Variants in LDB3 observed in about 807,000 individuals in gnomAD.
The protein encoded by LDB3 is LIM domain-binding protein 3.
In LDB3, 49 loss-of-function variants were observed where a neutral mutation model predicts 69.0. That is an observed-to-expected ratio of 0.71 (90% CI 0.56 to 0.90). The LOEUF (loss-of-function observed/expected upper bound fraction) is 0.90. LDB3 is among the 40% of genes least tolerant of loss of function. The pLI is 0.00. For synonymous variants in LDB3, 387 were observed against 396.2 expected (o/e 0.98, Z 0.28); for missense variants, 928 against 974.1 (o/e 0.95, Z 0.63).
chr10:86,677,819 C>T (rs1287721146), intron 2 of LDB3, among the ~76,000 whole-genome samples: 1 of 152,220 alleles, frequency 6.6e-6, no homozygotes, highest in African/African-American at 2.4e-5. Context: ...CTACCTCACT[C>T]TCTCCACATC....
chr10:86,714,713 A>T (rs1846798386), intron 9 of LDB3, among the ~76,000 whole-genome samples: 1 of 151,284 alleles, frequency 6.6e-6, no homozygotes, highest in South Asian at 2.1e-4. Flanking sequence ...CCGCCACCAC[A>T]CCCAGCTAAT....
At chr10:86,674,680 T>C (rs1316993568) in intron 2 of LDB3, among the ~76,000 whole-genome samples, 1 of 152,126 alleles carries the variant, frequency 6.6e-6, no homozygotes, top group Non-Finnish European at 1.5e-5. Flanking sequence ...ATTTAAATGC[T>C]CAAAGGCGGC....
At chr10:86,708,743 C>T (rs565652526) in intron 8 of LDB3, among the ~76,000 whole-genome samples, 5 of 152,208 alleles carry the variant, frequency 3.3e-5, no homozygotes, top group African/African-American at 1.2e-4. Context: ...GTCTGGGATG[C>T]CAGCTCCCTG....
At chr10:86,675,702 G>T (rs1488091457) in intron 2 of LDB3, among the ~76,000 whole-genome samples, 1 of 152,270 alleles carries the variant, frequency 6.6e-6, no homozygotes, top group Admixed American at 6.5e-5. Flanking sequence ...CCCGGCAAAT[G>T]AGATGGATTG....
rs1339140962 is a variant in LDB3, at chr10:86,716,700, C to CA, written c.1605_1606insA (p.Val536SerfsTer5). 7 of 1,613,600 alleles carry CA rather than the reference C, an allele frequency of 4.3e-6. No homozygotes were observed. The highest frequency in any genetic ancestry group is 5.9e-6 in the Non-Finnish European group (7 of 1,179,990). On this transcript the variant is annotated frameshift_variant, in exon 10 of 14. Transcript: ENST00000361373. LOFTEE classifies it high-confidence loss of function. ...AGGTGCCACCACTTGCCAGGGGGAC[C>CA]GTCCAGAGGGCTGAGCGATTCCCAG... is the stretch of plus-strand genomic sequence containing the variant.
Position 86,716,415 on chromosome 10 carries a change from C to A in LDB3, c.1320C>A (p.Ser440=), listed in dbSNP as rs753917548. 2 of 1,549,226 alleles carry A rather than the reference C, an allele frequency of 1.3e-6. No homozygotes were observed. The highest frequency in any genetic ancestry group is 1.7e-6 in the Non-Finnish European group (2 of 1,144,788). The change falls in exon 10 of 14, where the codon TCC becomes TCA. Residue 440 remains serine (S), a synonymous_variant. Transcript: ENST00000361373. ...TPSPAPAYTP[S]PAPAYTPSPV... is the part of the protein sequence containing the mutation. ...CCCCTGCCCCTGCCTACACCCCCTC[C>A]CCTGCCCCTGCCTACACCCCCTCAC...
chr10:86,718,804 C>G lies in LDB3; in HGVS notation c.1935C>G (p.Asn645Lys), dbSNP rs1846970016. 6.2e-7 allele frequency: 1 copy of G among 1,614,194 alleles called. No homozygotes were observed. Among genetic ancestry groups the G allele is most frequent in the African/African-American group, 1.3e-5 (1 of 75,050 alleles). Residue 645 changes from asparagine to lysine, a missense_variant, in exon 12 of 14, where the codon AAC becomes AAG. By Grantham distance (94) the Asn-to-Lys change is moderately conservative. Coordinates refer to ENST00000361373, the MANE Select transcript of LDB3 (RefSeq NM_007078.3). ...VCAACKKPFG[N>K]SLFHMEDGEP... ...CGGCCTGCAAGAAGCCTTTTGGGAA[C>G]AGCCTCTTCCACATGGAAGACGGGG...
chr10:86,723,293 A>AG (rs1310121237), intron 12 of LDB3, among the ~76,000 whole-genome samples: 8 of 139,476 alleles, frequency 5.7e-5, no homozygotes. Flanking sequence ...AAAAAAAAAA[A>AG]AGGAGATGAT....
chr10:86,681,220 C>T (rs927295451), intron 4 of LDB3, among the ~76,000 whole-genome samples: 2 of 152,276 alleles, frequency 1.3e-5, no homozygotes, highest in African/African-American at 2.4e-5. Context: ...GCACTCTGCC[C>T]AGCTGGATGC....
At chr10:86,678,708 A>G in intron 2 of LDB3, among the ~76,000 whole-genome samples, 1 of 152,118 alleles carries the variant, frequency 6.6e-6, no homozygotes, top group Non-Finnish European at 1.5e-5. Context: ...GTGAGCGATC[A>G]TAGTTTATTG....
At chr10:86,714,851 C>T (rs1435897368) in intron 9 of LDB3, among the ~76,000 whole-genome samples, 1 of 152,224 alleles carries the variant, frequency 6.6e-6, no homozygotes, top group African/African-American at 2.4e-5. Context: ...GCCACCATGC[C>T]CAACCGGTAT....
chr10:86,726,112 G>A, intron 12 of LDB3, 25 bp from the exon 13 acceptor site: 1 of 1,579,432 alleles, frequency 6.3e-7, no homozygotes, highest in Non-Finnish European at 8.7e-7. Context: ...TGGGTGCGGG[G>A]TCTTCACTCT....
chr10:86,700,362 A>G (rs1362795606), intron 7 of LDB3, among the ~76,000 whole-genome samples: 2 of 152,164 alleles, frequency 1.3e-5, no homozygotes, highest in Non-Finnish European at 2.9e-5. Context: ...ACCCTGCTGC[A>G]ACCAGCAGAC....
rs935393063 is a variant in LDB3 at position 86,735,114 on chromosome 10, T to C, written c.*2138T>C. On this transcript the variant is annotated 3_prime_UTR_variant, in exon 14 of 14. Coordinates refer to ENST00000361373, the MANE Select transcript of LDB3 (RefSeq NM_007078.3). Reference sequence around the variant, plus strand: ...ACACACACACACGATCATTAAAAAGTGTATGCTCTTTAAGAAGAAAAGTAA... The same window carrying C: ...ACACACACACACGATCATTAAAAAGCGTATGCTCTTTAAGAAGAAAAGTAA... The C allele has an allele frequency of 6.9e-6, 1 of 145,712 alleles. No homozygotes were observed. Among genetic ancestry groups the C allele is most frequent in the Non-Finnish European group, 1.5e-5 (1 of 66,434 alleles). The allele number at this position is 145,712 out of a possible 1,614,324, so 9.0% of individuals were successfully genotyped here.
At chr10:86,678,995 AAT>A (rs1844954245) in intron 2 of LDB3, among the ~76,000 whole-genome samples, 1 of 152,204 alleles carries the variant, frequency 6.6e-6, no homozygotes, top group Admixed American at 6.5e-5. Context: ...TGCAACGTCC[AAT>A]ACAGTGCTCC....
intron 7 of LDB3, 77 bp downstream of exon 7, chr10:86,692,648 C>T (rs1845821633): frequency 7.8e-7 from 1 of 1,283,098 alleles, no homozygotes; most frequent in African/African-American, 1.5e-5. Flanking sequence ...GGTCACATCA[C>T]TCATGGAAGG....
In LDB3 at chr10:86,692,713, C is replaced by T. The variant is rs1845825638; in HGVS notation, c.896+142C>T. The T allele has an allele frequency of 6.3e-6, 5 of 791,022 alleles. No individual in the cohort carries two copies. In the African/African-American group the frequency reaches 8.5e-5, roughly 13 times the overall value. 49.0% of individuals were successfully genotyped at this position (791,022 alleles called of 1,614,324 possible). ...CTGGCCTGCAAAGGGCTCCAGCTGA[C>T]ACTAGCTTGAGGCAGCATCGTGAGT... On this transcript the variant is annotated intron_variant, in intron 7 of 13. Coordinates refer to ENST00000361373, the MANE Select transcript of LDB3 (RefSeq NM_007078.3).
chr10:86,676,144 T>C (rs1589612246), intron 2 of LDB3, among the ~76,000 whole-genome samples: 1 of 152,228 alleles, frequency 6.6e-6, no homozygotes, highest in East Asian at 1.9e-4. Flanking sequence ...AAGCTGGACT[T>C]TGCAAAGCAG....
chr10:86,668,818 G>A, intron 2 of LDB3, 34 bp downstream of exon 2: 1 of 1,531,964 alleles, frequency 6.5e-7, no homozygotes, highest in East Asian at 2.2e-5. Context: ...GGCACCCGAT[G>A]GGGCAGGCAC....
Sources: allele counts gnomAD v4.1 joint callset (sites outside exome capture counted in the v4.1 genomes callset), GRCh38; gene constraint gnomAD v4.1.1; transcripts MANE v1.5; gene names NCBI Gene and HGNC (gene_info 2026-07-23, HGNC 2026-07-21).